ABTB3: variants seen among roughly 807,000 people sequenced by gnomAD.
ABTB3 encodes ankyrin repeat and BTB domain containing 3.
chr12:107,534,615 A>C, the ABTB3 span, among the ~76,000 whole-genome samples: 2 of 152,224 alleles, frequency 1.3e-5, no homozygotes, highest in Non-Finnish European at 2.9e-5. Context: ...AGGCATTACA[A>C]CTGATACGAC....
the ABTB3 span, among the ~76,000 whole-genome samples, chr12:107,635,892 A>G: frequency 8.6e-6 from 1 of 116,752 alleles, no homozygotes; most frequent in African/African-American, 3.3e-5. Flanking sequence ...ACACACACAC[A>G]CACACACTCC....
the ABTB3 span, chr12:107,649,761 T>G: frequency 1.3e-5 from 2 of 159,286 alleles, no homozygotes; most frequent in African/African-American, 4.8e-5. Context: ...CAGATTACAG[T>G]CTCCTCCTGG....
the ABTB3 span, among the ~76,000 whole-genome samples, chr12:107,604,977 C>A: frequency 1.1e-4 from 16 of 152,232 alleles, no homozygotes; most frequent in African/African-American, 3.6e-4. Flanking sequence ...AGTCAATAAA[C>A]CTGGAGGACA....
At chr12:107,358,908 G>A in the ABTB3 span, among the ~76,000 whole-genome samples, 2 of 152,254 alleles carry the variant, frequency 1.3e-5, no homozygotes, top group African/African-American at 2.4e-5. Flanking sequence ...CTATTTTAAG[G>A]AGGCCTCCTA....
At chr12:107,336,720 A>G in the ABTB3 span, among the ~76,000 whole-genome samples, 1 of 152,246 alleles carries the variant, frequency 6.6e-6, no homozygotes, top group Non-Finnish European at 1.5e-5. Context: ...TCTGGCACAT[A>G]GTAGGCACTT....
the ABTB3 span, among the ~76,000 whole-genome samples, chr12:107,374,118 G>C: frequency 6.6e-6 from 1 of 152,164 alleles, no homozygotes; most frequent in African/African-American, 2.4e-5. Context: ...GGGGCTGGGG[G>C]CAGCCGCAGC....
At chr12:107,534,211 T>TAAAAA in the ABTB3 span, among the ~76,000 whole-genome samples, 866 of 139,892 alleles carry the variant, frequency 6.2e-3, 3 homozygotes, top group Middle Eastern at 7.4e-3. Context: ...CCCTGTCTCT[T>TAAAAA]AAAAAAAAAA....
the ABTB3 span, among the ~76,000 whole-genome samples, chr12:107,323,817 T>C: frequency 6.6e-6 from 1 of 152,168 alleles, no homozygotes; most frequent in Admixed American, 6.5e-5. Flanking sequence ...TCCATATCAC[T>C]CAGCACAGTG....
the ABTB3 span, among the ~76,000 whole-genome samples, chr12:107,468,074 C>T: frequency 6.6e-6 from 1 of 152,312 alleles, no homozygotes. Context: ...ATGGTTTTCA[C>T]AACCGAGAAA....
chr12:107,647,440 G>A, the ABTB3 span, among the ~76,000 whole-genome samples: 2 of 152,202 alleles, frequency 1.3e-5, no homozygotes, highest in Non-Finnish European at 2.9e-5. Context: ...AGAAGTTTGA[G>A]GTTACAGTGA....
the ABTB3 span, among the ~76,000 whole-genome samples, chr12:107,403,064 G>T: frequency 7.9e-5 from 12 of 152,134 alleles, no homozygotes; most frequent in African/African-American, 2.4e-4. Context: ...GCTCCCACAG[G>T]CCTCGGACCC....
the ABTB3 span, among the ~76,000 whole-genome samples, chr12:107,474,402 A>G: frequency 6.6e-6 from 1 of 152,164 alleles, no homozygotes; most frequent in Non-Finnish European, 1.5e-5. Flanking sequence ...ATAACACGAT[A>G]TTGACACATT....
the ABTB3 span, among the ~76,000 whole-genome samples, chr12:107,586,607 G>A: frequency 4.1e-4 from 63 of 152,262 alleles, no homozygotes; most frequent in African/African-American, 1.5e-3. Context: ...ATGCATTAGC[G>A]CCTCCCAGAA....
the ABTB3 span, chr12:107,612,866 G>A: frequency 3.1e-6 from 5 of 1,613,308 alleles, no homozygotes; most frequent in South Asian, 1.1e-5. Context: ...ACCTGAATGT[G>A]GAGGTGAGGG....
the ABTB3 span, among the ~76,000 whole-genome samples, chr12:107,531,864 T>C: frequency 2.0e-5 from 3 of 151,888 alleles, no homozygotes; most frequent in African/African-American, 7.3e-5. Context: ...AGCTAACATC[T>C]CCCACATCCA....
At chr12:107,565,763 C>T in the ABTB3 span, among the ~76,000 whole-genome samples, 1 of 152,198 alleles carries the variant, frequency 6.6e-6, no homozygotes, top group Non-Finnish European at 1.5e-5. Context: ...GGAGGGACTT[C>T]AGGATTCTCC....
chr12:107,476,392 C>A, the ABTB3 span, among the ~76,000 whole-genome samples: 4 of 152,172 alleles, frequency 2.6e-5, no homozygotes, highest in Non-Finnish European at 4.4e-5. Context: ...TAATCCTCAC[C>A]TTCACCTTGC....
chr12:107,339,816 T>G, the ABTB3 span, among the ~76,000 whole-genome samples: 1 of 152,202 alleles, frequency 6.6e-6, no homozygotes, highest in Non-Finnish European at 1.5e-5. Context: ...CCAACTGTCA[T>G]GTAGGCAATT....
the ABTB3 span, among the ~76,000 whole-genome samples, chr12:107,345,707 A>T: frequency 6.6e-6 from 1 of 152,228 alleles, no homozygotes; most frequent in Non-Finnish European, 1.5e-5. Context: ...GACAAAAAAA[A>T]ATGCCCATTC....
Sources: gnomAD v4.1 joint callset for allele counts (sites outside exome capture counted in the v4.1 genomes callset) on GRCh38, gnomAD v4.1.1 for gene constraint, MANE v1.5 for transcripts, NCBI Gene and HGNC (gene_info 2026-07-23, HGNC 2026-07-21) for gene names.